Variants in SHROOM4 observed in about 807,000 individuals in gnomAD.
The protein encoded by SHROOM4 is shroom family member 4.
In SHROOM4, 17 loss-of-function variants were observed where a neutral mutation model predicts 80.3. The observed-to-expected ratio is 0.21, with a 90% CI of 0.14 to 0.32. SHROOM4 has a LOEUF of 0.32. SHROOM4 is among the 10% of genes least tolerant of loss of function. SHROOM4 has a pLI of 1.00. For synonymous variants in SHROOM4, 400 were observed against 437.5 expected (o/e 0.91, Z 1.07); for missense variants, 993 against 1,140.3 (o/e 0.87, Z 1.86).
intron 5 of SHROOM4, among the ~76,000 whole-genome samples, chrX:50,616,923 G>A (rs1257754430): frequency 2.7e-5 from 3 of 111,548 alleles, no homozygotes; most frequent in South Asian, 3.8e-4. Context: ...CCTCTCTCCC[G>A]ACCTTCACCT....
At chrX:50,619,556 T>C (rs1352120671) in intron 5 of SHROOM4, among the ~76,000 whole-genome samples, 3 of 111,600 alleles carry the variant, frequency 2.7e-5, no homozygotes, top group Non-Finnish European at 1.9e-5. Context: ...CAAATGCAAG[T>C]GGCAGTGCTT....
intron 1 of SHROOM4, among the ~76,000 whole-genome samples, chrX:50,767,641 C>T (rs1391365180): frequency 9.0e-6 from 1 of 111,319 alleles, no homozygotes; most frequent in Non-Finnish European, 1.9e-5. Flanking sequence ...AACTTATTAC[C>T]AGAGTCCAGG....
At chrX:50,793,891 A>C (rs1180668997) in intron 1 of SHROOM4, among the ~76,000 whole-genome samples, 1 of 110,531 alleles carries the variant, frequency 9.0e-6, no homozygotes, top group African/African-American at 3.3e-5. Context: ...CCATTATACA[A>C]GAAAGTAGAA....
chrX:50,644,439 T>C (rs1484900033), intron 2 of SHROOM4, among the ~76,000 whole-genome samples: 1 of 112,220 alleles, frequency 8.9e-6, no homozygotes, highest in East Asian at 2.8e-4. Flanking sequence ...TTCCAAATGA[T>C]GCCCTAAGTG....
chrX:50,675,312 C>A (rs1420817904), intron 2 of SHROOM4, among the ~76,000 whole-genome samples: 2 of 111,394 alleles, frequency 1.8e-5, no homozygotes, highest in East Asian at 2.8e-4. Context: ...ATGTAACAAA[C>A]CTTCACTTGT....
intron 8 of SHROOM4, among the ~76,000 whole-genome samples, chrX:50,597,531 C>T (rs1325907434): frequency 8.9e-5 from 10 of 111,753 alleles, no homozygotes; most frequent in African/African-American, 2.9e-4. Context: ...ATCTCAAATA[C>T]TTGATGAGAC....
chrX:50,803,281 G>A (rs1203953918), intron 1 of SHROOM4, among the ~76,000 whole-genome samples: 1 of 112,887 alleles, frequency 8.9e-6, no homozygotes, highest in Non-Finnish European at 1.9e-5. Context: ...ACAAATAAAA[G>A]TGACATCTAT....
chrX:50,636,081 G>A (rs1245283856), intron 3 of SHROOM4, among the ~76,000 whole-genome samples: 1 of 110,909 alleles, frequency 9.0e-6, no homozygotes, highest in African/African-American at 3.3e-5. Flanking sequence ...AGTTTTAGCC[G>A]GACCATTTTG....
intron 1 of SHROOM4, among the ~76,000 whole-genome samples, chrX:50,760,998 T>C (rs782067331): frequency 8.9e-6 from 1 of 112,068 alleles, no homozygotes; most frequent in South Asian, 3.7e-4. Context: ...TATTTTCCAA[T>C]GTAGCATTTT....
At chrX:50,650,563 T>C (rs1932005714) in intron 2 of SHROOM4, among the ~76,000 whole-genome samples, 1 of 110,073 alleles carries the variant, frequency 9.1e-6, no homozygotes, top group Non-Finnish European at 1.9e-5. Flanking sequence ...TTTCACCATG[T>C]TGGCTAGGAT....
At chrX:50,621,707 T>C (rs1050221155) in intron 5 of SHROOM4, among the ~76,000 whole-genome samples, 1 of 112,026 alleles carries the variant, frequency 8.9e-6, no homozygotes, top group African/African-American at 3.2e-5. Flanking sequence ...TTGTGACAAA[T>C]CCTTCCGAGC....
intron 2 of SHROOM4, among the ~76,000 whole-genome samples, chrX:50,668,902 G>T (rs1349887624): frequency 8.9e-6 from 1 of 112,908 alleles, no homozygotes; most frequent in East Asian, 2.8e-4. Context: ...CTGCAATAAA[G>T]CAAATACTGA....
At chrX:50,799,536 A>G (rs782568807) in intron 1 of SHROOM4, among the ~76,000 whole-genome samples, 15 of 111,706 alleles carry the variant, frequency 1.3e-4, no homozygotes, top group Non-Finnish European at 2.4e-4. Flanking sequence ...CCTTCTCAGC[A>G]TTCTCAGCTT....
the SHROOM4 span, among the ~76,000 whole-genome samples, chrX:50,577,318 C>T: frequency 1.8e-5 from 2 of 113,028 alleles, no homozygotes; most frequent in Non-Finnish European, 3.7e-5. Context: ...GTAATACTCA[C>T]TATTCTATGT....
At chrX:50,710,713 AT>A (rs782377173) in intron 1 of SHROOM4, among the ~76,000 whole-genome samples, 1 of 112,091 alleles carries the variant, frequency 8.9e-6, no homozygotes, top group East Asian at 2.8e-4. Context: ...TAAATAAAAA[AT>A]ATCTCACAAT....
intron 2 of SHROOM4, among the ~76,000 whole-genome samples, chrX:50,684,277 T>C (rs1334936584): frequency 9.0e-6 from 1 of 110,616 alleles, no homozygotes; most frequent in Non-Finnish European, 1.9e-5. Context: ...GAAAGGGCCA[T>C]GTGAAGATGG....
intron 5 of SHROOM4, among the ~76,000 whole-genome samples, chrX:50,622,450 A>G (rs190063831): frequency 1.5e-3 from 171 of 112,377 alleles, no homozygotes; most frequent in African/African-American, 5.3e-3. Context: ...TTTTTCTCCC[A>G]GTAGATCTAC....
At chrX:50,601,023 G>C (rs1478275184) in intron 7 of SHROOM4, among the ~76,000 whole-genome samples, 1 of 112,125 alleles carries the variant, frequency 8.9e-6, no homozygotes, top group Non-Finnish European at 1.9e-5. Context: ...AAAGTGGAGA[G>C]AGCCCTTTAC....
At chrX:50,632,371 T>C (rs932630755) in intron 4 of SHROOM4, among the ~76,000 whole-genome samples, 4 of 112,130 alleles carry the variant, frequency 3.6e-5, no homozygotes, top group Non-Finnish European at 7.5e-5. Flanking sequence ...AGGAATTAAC[T>C]TCTGGTTTGA....
Sources: allele counts gnomAD v4.1 joint callset (sites outside exome capture counted in the v4.1 genomes callset), GRCh38; gene constraint gnomAD v4.1.1; transcripts MANE v1.5; gene names NCBI Gene and HGNC (gene_info 2026-07-23, HGNC 2026-07-21).